Variants in CFAP57 observed in about 807,000 individuals in gnomAD.
The protein encoded by CFAP57 is cilia and flagella associated protein 57.
A neutral mutation model predicts 146.8 loss-of-function variants in CFAP57; 116 were observed. The observed-to-expected ratio is 0.79, with a 90% CI of 0.68 to 0.92. CFAP57 has a LOEUF of 0.92. Among genes scored for constraint, CFAP57 ranks in the 40% least tolerant of loss-of-function variants. The pLI is 0.00. For synonymous variants in CFAP57, 518 were observed against 552.8 expected (o/e 0.94, Z 0.88); for missense variants, 1,377 against 1,527.2 (o/e 0.90, Z 1.64).
chr1:43,219,305 G>C, intron 12 of CFAP57, 77 bp from the exon 13 acceptor site: 1 of 1,450,928 alleles, frequency 6.9e-7, no homozygotes. Context: ...GCAGGTCTCA[G>C]GTCAAGGCCG....
intron 2 of CFAP57, chr1:43,177,240 A>G (rs1346378294): frequency 4.4e-6 from 2 of 456,252 alleles, no homozygotes; most frequent in Non-Finnish European, 8.8e-6. Flanking sequence ...TGGAGCAGGT[A>G]GAGGCAGGCG....
At chr1:43,235,293 C>G (rs1645644765) in intron 21 of CFAP57, among the ~76,000 whole-genome samples, 1 of 152,206 alleles carries the variant, frequency 6.6e-6, no homozygotes, top group South Asian at 2.1e-4. Flanking sequence ...CGCCTCCACA[C>G]AGGCACGTTA....
At chr1:43,204,730 T>C (rs1356782046) in intron 9 of CFAP57, among the ~76,000 whole-genome samples, 1 of 152,140 alleles carries the variant, frequency 6.6e-6, no homozygotes, top group Admixed American at 6.5e-5. Flanking sequence ...TACTACCAGA[T>C]TTATGTGTGG....
At chr1:43,251,390 G>C (rs1646321723) in intron 22 of CFAP57, among the ~76,000 whole-genome samples, 1 of 152,232 alleles carries the variant, frequency 6.6e-6, no homozygotes, top group Non-Finnish European at 1.5e-5. Context: ...GAGGGGCCAA[G>C]GGCCACCCGG....
At chr1:43,206,598 C>T (rs1490939567) in intron 9 of CFAP57, 122 bp from the exon 10 acceptor site, 1 of 896,936 alleles carries the variant, frequency 1.1e-6, no homozygotes, top group East Asian at 2.5e-5. Context: ...AACAGAAGGG[C>T]CTACAGCAGG....
At chr1:43,188,518 A>T (rs554965753) in intron 6 of CFAP57, among the ~76,000 whole-genome samples, 1 of 152,258 alleles carries the variant, frequency 6.6e-6, no homozygotes, top group South Asian at 2.1e-4. Flanking sequence ...ATTTGCATTT[A>T]CCTGGTGATT....
At chr1:43,232,694 C>A in intron 19 of CFAP57, 70 bp downstream of exon 19, 1 of 1,171,762 alleles carries the variant, frequency 8.5e-7, no homozygotes. Flanking sequence ...GGGCAGCTGG[C>A]TTCCAAGAGG....
intron 3 of CFAP57, among the ~76,000 whole-genome samples, chr1:43,183,064 G>A (rs765556643): frequency 5.9e-5 from 9 of 152,230 alleles, no homozygotes; most frequent in Non-Finnish European, 1.2e-4. Flanking sequence ...GTGTGGTGCT[G>A]TGTGGCCACA....
At chr1:43,230,762 C>T (rs1433992618) in intron 18 of CFAP57, among the ~76,000 whole-genome samples, 1 of 152,206 alleles carries the variant, frequency 6.6e-6, no homozygotes, top group Non-Finnish European at 1.5e-5. Flanking sequence ...CCTCTGTGTA[C>T]ACACAGTGCT....
intron 4 of CFAP57, chr1:43,184,944 G>A (rs938620757): frequency 2.6e-5 from 15 of 584,830 alleles, no homozygotes; most frequent in South Asian, 3.7e-5. Flanking sequence ...TACTCCACAC[G>A]CCCCAAGCAC....
Position 43,185,089 on chromosome 1 carries a change from C to G in CFAP57, c.762-60C>G, listed in dbSNP as rs1569873838. ...TGACAGTCTTCTTTCTCCTCCCCAG[C>G]AGAATTCATCTCCTCAAGATTGTCT... On this transcript the variant is annotated intron_variant, in intron 4 of 22. Coordinates refer to ENST00000372492, the MANE Select transcript of CFAP57 (RefSeq NM_001378189.1). The G allele has an allele frequency of 1.9e-6, 3 of 1,570,936 alleles. No individual in the cohort carries two copies. In the Admixed American group the frequency reaches 5.0e-5, roughly 26 times the overall value.
chr1:43,236,107 C>T (rs556970901), intron 21 of CFAP57, among the ~76,000 whole-genome samples: 29 of 152,226 alleles, frequency 1.9e-4, no homozygotes, highest in Admixed American at 1.0e-3. Flanking sequence ...CCTGCCACTC[C>T]CTGATGGCTG....
chr1:43,209,233 A>G (rs1644488912), intron 10 of CFAP57, among the ~76,000 whole-genome samples: 1 of 152,228 alleles, frequency 6.6e-6, no homozygotes, highest in South Asian at 2.1e-4. Context: ...TTATGTAATG[A>G]GCATTAATAA....
At chr1:43,251,213 G>T (rs1273614001) in intron 22 of CFAP57, among the ~76,000 whole-genome samples, 1 of 152,226 alleles carries the variant, frequency 6.6e-6, no homozygotes, top group Non-Finnish European at 1.5e-5. Flanking sequence ...AGCATAGAAA[G>T]CCAATCACTG....
intron 5 of CFAP57, 60 bp downstream of exon 5, chr1:43,185,416 C>G (rs1470977032): frequency 6.6e-7 from 1 of 1,509,698 alleles, no homozygotes; most frequent in Non-Finnish European, 9.2e-7. Flanking sequence ...TGTTCCCCAG[C>G]AGCAGTTCTC....
chr1:43,252,135 C>T (rs923228227), intron 22 of CFAP57, among the ~76,000 whole-genome samples: 8 of 151,894 alleles, frequency 5.3e-5, no homozygotes, highest in Non-Finnish European at 1.2e-4. Flanking sequence ...TCCCCTTATG[C>T]ATATGGGAAA....
intron 12 of CFAP57, among the ~76,000 whole-genome samples, chr1:43,217,233 G>A (rs1211373767): frequency 2.6e-5 from 4 of 152,144 alleles, no homozygotes; most frequent in African/African-American, 9.7e-5. Context: ...CCTGCATTAG[G>A]CTGGACATTG....
chr1:43,172,563 G>T, intron 1 of CFAP57, 110 bp downstream of exon 1: 1 of 769,796 alleles, frequency 1.3e-6, no homozygotes, highest in Non-Finnish European at 2.0e-6. Flanking sequence ...GGAGGACCCC[G>T]GGGGAGGGGA....
Position 43,201,990 on chromosome 1 carries a change from A to T in CFAP57, c.1542+2487A>T, listed in dbSNP as rs1644145606. 6.6e-6 allele frequency among the ~76,000 whole-genome samples: 1 copy of T among 152,122 alleles called. No homozygotes were observed. On this transcript the variant is annotated intron_variant, in intron 9 of 22. Transcript: ENST00000372492. The surrounding 1 kb of genome is among the most constrained non-coding windows in gnomAD (Gnocchi z 4.4). Reference sequence around the variant, plus strand: ...AATTAGTCTTCAAGTGACTGTGGAGATGCGGATGAAAGTACAGAAAGTGAT... The same window carrying T: ...AATTAGTCTTCAAGTGACTGTGGAGTTGCGGATGAAAGTACAGAAAGTGAT...
Sources: allele counts gnomAD v4.1 joint callset (sites outside exome capture counted in the v4.1 genomes callset), GRCh38; gene constraint gnomAD v4.1.1; non-coding constraint Gnocchi (gnomAD v3.1); transcripts MANE v1.5; gene names NCBI Gene and HGNC (gene_info 2026-07-23, HGNC 2026-07-21).